Variants in TLCD4 observed in about 807,000 individuals in gnomAD.
TLCD4 encodes the protein TLC domain containing 4.
In TLCD4, 7 loss-of-function variants were observed where a neutral mutation model predicts 24.2. The observed-to-expected ratio is 0.29, with a 90% confidence interval of 0.16 to 0.54. TLCD4 has a LOEUF of 0.54. Ranked by LOEUF, TLCD4 falls within the 20% of genes least tolerant of loss-of-function variation. The pLI, the probability that TLCD4 is intolerant of heterozygous loss-of-function variation, is 0.95. For synonymous variants in TLCD4, 103 were observed against 106.4 expected (o/e 0.97, Z 0.20); for missense variants, 259 against 313.9 (o/e 0.82, Z 1.32).
At chr1:95,164,614 G>A (rs6593593) in intron 5 of TLCD4, 93,616 of 152,064 alleles carry the variant, frequency 0.62, 28,876 homozygotes, top group Middle Eastern at 0.72. Flanking sequence ...GGTCCTATTC[G>A]GCCATCTTGG....
chr1:95,135,794 A>G (rs1677026237), intron 1 of TLCD4, among the ~76,000 whole-genome samples: 1 of 152,098 alleles, frequency 6.6e-6, no homozygotes, highest in African/African-American at 2.4e-5. Context: ...GGAATGCAGT[A>G]ATGTGATCTC....
At chr1:95,162,389 G>A (rs558479387) in intron 5 of TLCD4, among the ~76,000 whole-genome samples, 2 of 141,464 alleles carry the variant, frequency 1.4e-5, no homozygotes, top group South Asian at 2.5e-4. Context: ...TTGAGTGTAT[G>A]TGTGTCTTTG....
rs377200526 is a variant in TLCD4, at chr1:95,144,016, A to C, written c.115A>C (p.Asn39His). The C allele has an allele frequency of 6.4e-7, 1 of 1,565,734 alleles. No homozygotes were observed. The highest frequency in any genetic ancestry group is 1.2e-5 in the South Asian group (1 of 82,254). ...TTCAGCAAAAGTTTCTCCAGGTTTC[A>C]ATAGTCTCAGCTTCAAAAAGAAGAT... Reference protein sequence around the residue: ...WFSAKVSPGFNSLSFKKKIEW... With the variant: ...WFSAKVSPGFHSLSFKKKIEW... The change falls in exon 2 of 7, where the codon AAT (asparagine) becomes CAT (histidine). Residue 39 changes from asparagine to histidine, a missense_variant. Physicochemically the swap from Asn to His is moderately conservative, Grantham distance 68 (BLOSUM62 1). Coordinates refer to ENST00000370203, the MANE Select transcript of TLCD4 (RefSeq NM_152487.3).
chr1:95,124,100 C>T (rs1458731730), intron 1 of TLCD4, among the ~76,000 whole-genome samples: 1 of 152,132 alleles, frequency 6.6e-6, no homozygotes, highest in East Asian at 1.9e-4. Flanking sequence ...TGCACATTGA[C>T]TATAGTATCT....
rs1434239502 is a variant in TLCD4, at chr1:95,194,190, A to C, written c.*2322A>C. 1 of 152,088 alleles carries C rather than the reference A, an allele frequency of 6.6e-6. No homozygotes were observed. Among genetic ancestry groups the C allele is most frequent in the African/African-American group, 2.4e-5 (1 of 41,444 alleles). The allele number at this position is 152,088 out of a possible 1,614,324, so 9.4% of individuals were successfully genotyped here. On this transcript the variant is annotated 3_prime_UTR_variant, in exon 7 of 7. Coordinates refer to ENST00000370203, the MANE Select transcript of TLCD4 (RefSeq NM_152487.3). ...TTTAAAACATCAAAATTTTGAACTAAAGTTTGTGATTCTCTTATTCAGCAA... is the reference window on the plus strand; with the variant it reads ...TTTAAAACATCAAAATTTTGAACTACAGTTTGTGATTCTCTTATTCAGCAA...
intron 6 of TLCD4, among the ~76,000 whole-genome samples, chr1:95,188,389 GAAAAAAAAA>G (rs60956010): frequency 4.8e-5 from 5 of 104,506 alleles, no homozygotes; most frequent in African/African-American, 7.9e-5. Flanking sequence ...CTCCGTCTCA[GAAAAAAAAA>G]AAAAAAAAAA....
intron 1 of TLCD4, among the ~76,000 whole-genome samples, chr1:95,131,335 GAATAGGA>G (rs1676884208): frequency 1.3e-5 from 2 of 152,182 alleles, no homozygotes; most frequent in South Asian, 4.1e-4. Flanking sequence ...GGGAGTTAGG[GAATAGGA>G]TGTGCACAGG....
At chr1:95,130,940 G>T (rs7366121) in intron 1 of TLCD4, among the ~76,000 whole-genome samples, 66,243 of 152,038 alleles carry the variant, frequency 0.44, 17,227 homozygotes, top group Non-Finnish European at 0.58. Flanking sequence ...TAATACTATG[G>T]TTGTCAGTTC....
chr1:95,110,107 T>A, the TLCD4 span, among the ~76,000 whole-genome samples: 1 of 150,786 alleles, frequency 6.6e-6, no homozygotes, highest in Non-Finnish European at 1.5e-5. Context: ...AAAAATCAAC[T>A]GAAAAAATGT....
intron 5 of TLCD4, chr1:95,165,014 C>T (rs865900774): frequency 2.0e-5 from 3 of 152,252 alleles, no homozygotes; most frequent in Non-Finnish European, 4.4e-5. Flanking sequence ...CCAGCTCCCA[C>T]ATACCTGCTC....
chr1:95,104,239 A>G, the TLCD4 span, among the ~76,000 whole-genome samples: 3 of 152,210 alleles, frequency 2.0e-5, no homozygotes, highest in Non-Finnish European at 4.4e-5. Flanking sequence ...GCTGAGAACA[A>G]TGGGAACACT....
At chr1:95,096,911 G>A in the TLCD4 span, among the ~76,000 whole-genome samples, 1 of 152,128 alleles carries the variant, frequency 6.6e-6, no homozygotes, top group Non-Finnish European at 1.5e-5. Flanking sequence ...GAAGAAATGA[G>A]GGGAGTTAAA....
At chr1:95,142,675 GT>G (rs1271049900) in intron 1 of TLCD4, among the ~76,000 whole-genome samples, 1 of 152,100 alleles carries the variant, frequency 6.6e-6, no homozygotes, top group Non-Finnish European at 1.5e-5. Context: ...ATCTAGGCCG[GT>G]TGTGGTGCCT....
intron 4 of TLCD4, among the ~76,000 whole-genome samples, chr1:95,150,775 G>A (rs1036841055): frequency 1.3e-5 from 2 of 150,818 alleles, no homozygotes; most frequent in Non-Finnish European, 3.0e-5. Flanking sequence ...AATATTTTTT[G>A]TACGATTTGT....
At chr1:95,105,858 G>A in the TLCD4 span, among the ~76,000 whole-genome samples, 17 of 146,450 alleles carry the variant, frequency 1.2e-4, no homozygotes, top group Admixed American at 1.1e-3. Flanking sequence ...TTGCACCACT[G>A]CACTCCAGCC....
intron 4 of TLCD4, among the ~76,000 whole-genome samples, chr1:95,150,823 AC>A (rs1268506377): frequency 6.6e-6 from 1 of 152,028 alleles, no homozygotes; most frequent in African/African-American, 2.4e-5. Context: ...CTTCCCTATG[AC>A]CATCTTATCT....
At chr1:95,109,896 A>C in the TLCD4 span, among the ~76,000 whole-genome samples, 1 of 140,252 alleles carries the variant, frequency 7.1e-6, no homozygotes, top group South Asian at 2.3e-4. Context: ...TACTACATAC[A>C]CATAATGTGT....
intron 5 of TLCD4, among the ~76,000 whole-genome samples, chr1:95,170,283 C>T (rs1321832286): frequency 1.3e-5 from 2 of 149,782 alleles, no homozygotes; most frequent in African/African-American, 4.9e-5. Context: ...ATGTTTATTA[C>T]ATACATGAAT....
At chr1:95,113,966 A>G (rs1676385318), upstream of TLCD4, among the ~76,000 whole-genome samples, 1 of 152,208 alleles carries the variant, frequency 6.6e-6, no homozygotes, top group African/African-American at 2.4e-5. Flanking sequence ...CTTAAAAAAA[A>G]AAGTCTCACC....
Sources: allele counts gnomAD v4.1 joint callset (sites outside exome capture counted in the v4.1 genomes callset), GRCh38; gene constraint gnomAD v4.1.1; transcripts MANE v1.5; gene names NCBI Gene and HGNC (gene_info 2026-07-23, HGNC 2026-07-21).